The following PNLIPRP1 variants were observed in gnomAD, a reference collection of about 807,000 sequenced individuals.
PNLIPRP1 encodes the protein pancreatic lipase related protein 1.
Under a neutral mutation model 54.6 loss-of-function variants are expected in PNLIPRP1, and 57 were observed. The ratio of observed to expected loss-of-function variants is 1.04; its 90% confidence interval spans 0.84 to 1.30. The LOEUF (loss-of-function observed/expected upper bound fraction) is 1.30. PNLIPRP1 is among the 50% of genes most tolerant of loss of function. The pLI is 0.00. For missense variants in PNLIPRP1, 567 were observed against 568.5 expected (o/e 1.00, Z 0.03); for synonymous variants, 232 against 208.8 (o/e 1.11, Z -0.96).
intron 6 of PNLIPRP1, 48 bp downstream of exon 6, chr10:116,596,370 A>G: frequency 8.7e-7 from 1 of 1,154,758 alleles, no homozygotes; most frequent in Non-Finnish European, 1.3e-6. Context: ...GAAACCCCAG[A>G]ATGAGGTCTC....
intron 5 of PNLIPRP1, chr10:116,595,171 G>T (rs1847713304): frequency 3.1e-6 from 1 of 322,118 alleles, no homozygotes; most frequent in Admixed American, 4.2e-5. Context: ...CCTGCCTTTT[G>T]ATCCAGACCA....
chr10:116,591,293 A>G (rs1847631492), intron 2 of PNLIPRP1, 115 bp downstream of exon 2: 1 of 756,136 alleles, frequency 1.3e-6, no homozygotes, highest in Non-Finnish European at 2.2e-6. Flanking sequence ...ACCAGAGAGA[A>G]GATGTGGGCT....
Position 116,591,932 on chromosome 10 carries a change from CCT to C in PNLIPRP1, c.204+10_204+11del. ...AAACCCAAACAACTTTCAAGTGAGA[CCT>C]CTGTCATTTAAATGTCACTGTAACT... On this transcript the variant is annotated splice_region_variant and intron_variant, in intron 3 of 12. Coordinates refer to ENST00000358834, the MANE Select transcript of PNLIPRP1 (RefSeq NM_006229.4). The C allele has an allele frequency of 1.2e-6, 2 of 1,614,032 alleles. No homozygotes were observed. Among genetic ancestry groups the C allele is most frequent in the Non-Finnish European group, 1.7e-6 (2 of 1,179,968 alleles).
Position 116,601,165 on chromosome 10 carries a change from T to C in PNLIPRP1, c.1027T>C (p.Phe343Leu). 7 of 1,614,064 alleles carry C rather than the reference T, an allele frequency of 4.3e-6. No homozygotes were observed. Among genetic ancestry groups the C allele is most frequent in the Non-Finnish European group, 5.9e-6 (7 of 1,179,976 alleles). ...AGRTSEEQQK[F>L]FLNTGEASNF... ...CAGGACAAGTGAAGAGCAGCAGAAA[T>C]TCTTCTTGAACACAGGAGAGGCTAG... Residue 343 changes from phenylalanine (F) to leucine (L), a missense_variant, in exon 10 of 13, where the codon TTC becomes CTC. Coordinates refer to ENST00000358834, the MANE Select transcript of PNLIPRP1 (RefSeq NM_006229.4).
intron 9 of PNLIPRP1, 55 bp from the exon 10 acceptor site, chr10:116,601,017 A>T: frequency 6.5e-7 from 1 of 1,531,394 alleles, no homozygotes; most frequent in South Asian, 1.2e-5. Context: ...TCTCAGATGT[A>T]TCGATCATAC....
intron 12 of PNLIPRP1, 47 bp downstream of exon 12, chr10:116,605,600 A>G: frequency 5.1e-6 from 7 of 1,363,194 alleles, no homozygotes; most frequent in Non-Finnish European, 6.9e-6. Flanking sequence ...GCAGAGATTC[A>G]TGTTATAATG....
At chr10:116,600,563 G>C (rs1337598533) in intron 9 of PNLIPRP1, 12 of 178,790 alleles carry the variant, frequency 6.7e-5, no homozygotes, top group Admixed American at 1.6e-4. Flanking sequence ...AAAGCAAGGT[G>C]GATGCTGGAG....
intron 8 of PNLIPRP1, 85 bp from the exon 9 acceptor site, chr10:116,599,962 G>T: frequency 2.4e-6 from 2 of 826,818 alleles, no homozygotes; most frequent in Non-Finnish European, 4.1e-6. Context: ...GTCCTACTTT[G>T]GAACCATCCC....
chr10:116,608,971 CCAAACCAAACCAAAA>C (rs1210375420), intron 12 of PNLIPRP1, 67 bp from the exon 13 acceptor site: 17 of 1,143,168 alleles, frequency 1.5e-5, no homozygotes, highest in Non-Finnish European at 2.0e-5. Flanking sequence ...CCAAACCAAA[CCAAACCAAACCAAAA>C]CAAAACAAAA....
chr10:116,605,484 T>G lies in PNLIPRP1; in HGVS notation c.1271T>G (p.Val424Gly), dbSNP rs1589577312. The change falls in exon 12 of 13, where the codon GTG (valine) becomes GGG (glycine). Residue 424 changes from valine (V) to glycine (G), a missense_variant. Physicochemically the swap from Val to Gly is moderately radical, Grantham distance 109 (BLOSUM62 -3). Transcript: ENST00000358834. ...EKVKFLWNNNVINPTLPKVGA... is the reference protein window; with the variant it reads ...EKVKFLWNNNGINPTLPKVGA... ...GTCAAGTTTCTTTGGAATAACAATG[T>G]GATAAATCCAACCCTCCCCAAAGTG... is the stretch of plus-strand genomic sequence containing the variant. 1 of 1,611,966 alleles carries G rather than the reference T, an allele frequency of 6.2e-7. No homozygotes were observed. Among genetic ancestry groups the G allele is most frequent in the East Asian group, 2.2e-5 (1 of 44,856 alleles).
Position 116,597,828 on chromosome 10 carries a change from G to C in PNLIPRP1, c.575G>C (p.Gly192Ala). The C allele has an allele frequency of 6.2e-7, 1 of 1,614,094 alleles. No homozygotes were observed. The highest frequency in any genetic ancestry group is 8.5e-7 in the Non-Finnish European group (1 of 1,180,016). The change falls in exon 7 of 13, where the codon GGG becomes GCG. Residue 192 changes from glycine (G) to alanine (A), a missense_variant and splice_region_variant. Gly to Ala is a moderately conservative substitution (Grantham distance 60). Coordinates refer to ENST00000358834, the MANE Select transcript of PNLIPRP1 (RefSeq NM_006229.4). ...SKTPGLSRIT[G>A]LDPVEASFES... ...CTGCAGTGCTGATCATCTCTTTTAGGGTTGGATCCTGTAGAAGCAAGTTTC... is the reference window on the plus strand; with the variant it reads ...CTGCAGTGCTGATCATCTCTTTTAGCGTTGGATCCTGTAGAAGCAAGTTTC...
intron 12 of PNLIPRP1, among the ~76,000 whole-genome samples, chr10:116,608,827 C>A (rs1322155949): frequency 2.6e-5 from 4 of 152,326 alleles, no homozygotes; most frequent in Middle Eastern, 3.4e-3. Flanking sequence ...CACTCCAGAA[C>A]CATAGCAGAC....
intron 9 of PNLIPRP1, 148 bp from the exon 10 acceptor site, chr10:116,600,924 G>T: frequency 3.1e-6 from 2 of 642,250 alleles, no homozygotes; most frequent in Non-Finnish European, 5.2e-6. Flanking sequence ...TCCAGATGAA[G>T]GTAATTTAGA....
Position 116,596,237 on chromosome 10 carries a change from CA to C in PNLIPRP1, c.492del (p.Val165PhefsTer23). The C allele has an allele frequency of 1.2e-6, 2 of 1,613,244 alleles. No homozygotes were observed. Among genetic ancestry groups the C allele is most frequent in the Non-Finnish European group, 1.7e-6 (2 of 1,179,242 alleles). On this transcript the variant is annotated frameshift_variant, in exon 6 of 13. Coordinates refer to ENST00000358834, the MANE Select transcript of PNLIPRP1 (RefSeq NM_006229.4). LOFTEE classifies it high-confidence loss of function. ...LLTEYSYPPS[K>X]VHLIGHSLGA... ...AGACAGAGTATAGCTACCCCCCTTC[CA>C]AAGTTCACCTCATTGGCCACAGCCT...
intron 2 of PNLIPRP1, among the ~76,000 whole-genome samples, 179 bp downstream of exon 2, chr10:116,591,357 G>A (rs1001598230): frequency 1.3e-5 from 2 of 152,158 alleles, no homozygotes; most frequent in African/African-American, 4.8e-5. Context: ...CTGTTTCTGG[G>A]GATCCCCCCA....
In PNLIPRP1 at chr10:116,594,855, C is replaced by T; in HGVS notation, c.456C>T (p.Asp152=). ...VVGAQVAQML[D]ILLTEYSYPP... The stretch of plus-strand genomic sequence containing the variant: ...GCGCCCAGGTGGCCCAGATGCTCGA[C>T]ATCCTCTTGGTGAGTCAGCTGGCTG... Residue 152 remains aspartate, a synonymous_variant, in exon 5 of 13, where the codon GAC becomes GAT. Coordinates refer to ENST00000358834, the MANE Select transcript of PNLIPRP1 (RefSeq NM_006229.4). The T allele has an allele frequency of 3.1e-6, 5 of 1,613,986 alleles. No homozygotes were observed. Among genetic ancestry groups the T allele is most frequent in the Non-Finnish European group, 4.2e-6 (5 of 1,180,006 alleles).
intron 5 of PNLIPRP1, chr10:116,595,795 G>T (rs1250589285): frequency 6.3e-6 from 1 of 158,820 alleles, no homozygotes; most frequent in Non-Finnish European, 1.4e-5. Flanking sequence ...GAGAGTAGGA[G>T]CTTTACAGGA....
At position 116,609,093 on chromosome 10, in the gene PNLIPRP1, C is replaced by T. The variant is rs1554865965; in HGVS notation, c.1381C>T (p.Leu461=). The part of the protein sequence containing the change: ...CSEDTVREDT[L]LTLTPC Reference sequence around the variant, plus strand: ...CGAAGACACAGTGCGGGAAGACACGCTGCTCACCCTCACGCCCTGCTAAGC... The same window carrying T: ...CGAAGACACAGTGCGGGAAGACACGTTGCTCACCCTCACGCCCTGCTAAGC... Residue 461 remains leucine (L), a synonymous_variant, in exon 13 of 13, where the codon CTG becomes TTG. Coordinates refer to ENST00000358834, the MANE Select transcript of PNLIPRP1 (RefSeq NM_006229.4). 6.2e-7 allele frequency: 1 copy of T among 1,613,056 alleles called. No individual in the cohort carries two copies. The highest frequency in any genetic ancestry group is 2.2e-5 in the East Asian group (1 of 44,890).
At chr10:116,594,937 G>A in intron 5 of PNLIPRP1, 73 bp downstream of exon 5, 2 of 1,526,152 alleles carry the variant, frequency 1.3e-6, no homozygotes, top group East Asian at 2.3e-5. Context: ...AGATGCAGCT[G>A]AGAGTTATGG....
Sources: gnomAD v4.1 joint callset for allele counts (sites outside exome capture counted in the v4.1 genomes callset) on GRCh38, gnomAD v4.1.1 for gene constraint, MANE v1.5 for transcripts, NCBI Gene and HGNC (gene_info 2026-07-23, HGNC 2026-07-21) for gene names.